Variants in PINK1 observed in about 807,000 individuals in gnomAD.
PINK1 encodes PTEN induced kinase 1, also known as serine/threonine-protein kinase PINK1, mitochondrial.
A neutral mutation model predicts 56.0 loss-of-function variants in PINK1; 58 were observed. That is an observed-to-expected ratio of 1.04 (90% CI 0.84 to 1.29). PINK1 has a LOEUF of 1.29. PINK1 is among the 50% of genes most tolerant of loss of function. The probability of loss-of-function intolerance (pLI) is 0.00; values close to 1 mark genes in which losing one functional copy is unlikely to be tolerated. For synonymous variants in PINK1, 354 were observed against 339.3 expected, an observed-to-expected ratio of 1.04 and a Z score of -0.48; for missense variants, 745 against 777.9, an observed-to-expected ratio of 0.96 and a Z score of 0.50.
rs2053214996 is a variant in PINK1, at chr1:20,648,442, TAGG to T, written c.1124-59_1124-57del. On this transcript the variant is annotated intron_variant, in intron 5 of 7. Coordinates refer to ENST00000321556, the MANE Select transcript of PINK1 (RefSeq NM_032409.3). ...CTTGCTGGTGGCTTTAGTAGGGACATAGGAGGGCCTCTCAGAGGGAAGGAGGGG... is the reference window on the plus strand; with the variant it reads ...CTTGCTGGTGGCTTTAGTAGGGACATAGGGCCTCTCAGAGGGAAGGAGGGG... 7 of 1,607,996 alleles carry T rather than the reference TAGG, an allele frequency of 4.4e-6. No homozygotes were observed. The East Asian group carries it at 1.1e-4, about 26-fold the overall frequency.
chr1:20,634,397 A>G (rs2053034573), intron 1 of PINK1, among the ~76,000 whole-genome samples: 1 of 152,232 alleles, frequency 6.6e-6, no homozygotes. Flanking sequence ...AAGGATTAGT[A>G]GTGACAGAGC....
chr1:20,645,131 G>T (rs1487596801), intron 4 of PINK1, among the ~76,000 whole-genome samples: 1 of 152,138 alleles, frequency 6.6e-6, no homozygotes, highest in African/African-American at 2.4e-5. Flanking sequence ...GGATGCTGGG[G>T]AAAAGTGGGA....
Position 20,639,919 on chromosome 1 carries a change from A to C in PINK1, c.703A>C (p.Asn235His). The change falls in exon 3 of 8, where the codon AAC becomes CAC. Residue 235 changes from asparagine (N) to histidine (H), a missense_variant. Asn to His is a moderately conservative substitution (Grantham distance 68). Transcript: ENST00000321556. ...AGGTTCCTCCAGCGAAGCCATCTTG[A>C]ACACAATGAGCCAGGAGCTGGTCCC... ...SAGSSSEAIL[N>H]TMSQELVPAS... 6.2e-7 allele frequency: 1 copy of C among 1,613,312 alleles called. No individual in the cohort carries two copies. The highest frequency in any genetic ancestry group is 8.5e-7 in the Non-Finnish European group (1 of 1,179,756).
At chr1:20,637,664 A>G (rs1467973183) in intron 1 of PINK1, among the ~76,000 whole-genome samples, 178 bp from the exon 2 acceptor site, 1 of 152,174 alleles carries the variant, frequency 6.6e-6, no homozygotes, top group East Asian at 1.9e-4. Flanking sequence ...AATAATGAGA[A>G]AGAAGATGGC....
At position 20,651,210 on chromosome 1, in the gene PINK1, G is replaced by A. The variant is rs1054458936; in HGVS notation, c.*519G>A. 1.1e-5 allele frequency: 2 copies of A among 179,000 alleles called. No homozygotes were observed. Among genetic ancestry groups the A allele is most frequent in the East Asian group, 1.3e-4 (1 of 7,638 alleles). The allele number at this position is 179,000 out of a possible 1,614,324, so 11.1% of individuals were successfully genotyped here. ...ATTAATCTCACTTAGCGAAAGTGACGGATGAGCAGTAAGTAAGTAAGTGTG... is the reference window on the plus strand; with the variant it reads ...ATTAATCTCACTTAGCGAAAGTGACAGATGAGCAGTAAGTAAGTAAGTGTG... On this transcript the variant is annotated 3_prime_UTR_variant, in exon 8 of 8. Transcript: ENST00000321556.
In PINK1 at chr1:20,640,038, C is replaced by G. The variant is rs769805833; in HGVS notation, c.776+46C>G. Reference sequence around the variant, plus strand: ...AGACTGACTGGGACTTCTTTGAGAGCAACTTCATCCATCACTTATGTCCTC... The same window carrying G: ...AGACTGACTGGGACTTCTTTGAGAGGAACTTCATCCATCACTTATGTCCTC... On this transcript the variant is annotated intron_variant, in intron 3 of 7. Transcript: ENST00000321556. The G allele has an allele frequency of 2.0e-6, 3 of 1,467,254 alleles. No individual in the cohort carries two copies. The South Asian group carries it at 3.6e-5, about 18-fold the overall frequency. 90.9% of individuals were successfully genotyped at this position (1,467,254 alleles called of 1,614,324 possible).
At chr1:20,638,593 G>A (rs1165595320) in intron 2 of PINK1, 1 of 243,664 alleles carries the variant, frequency 4.1e-6, no homozygotes, top group African/African-American at 2.4e-5. Context: ...AGTGATCCAA[G>A]ATTGTGGCAC....
At chr1:20,637,741 G>T in intron 1 of PINK1, 101 bp from the exon 2 acceptor site, 1 of 1,388,582 alleles carries the variant, frequency 7.2e-7, no homozygotes, top group Non-Finnish European at 1.0e-6. Context: ...TCTGGTCGAC[G>T]TGGACCACGC....
intron 3 of PINK1, among the ~76,000 whole-genome samples, chr1:20,642,433 G>C (rs567566704): frequency 6.6e-6 from 1 of 152,306 alleles, no homozygotes; most frequent in South Asian, 2.1e-4. Context: ...GGAGAAGTCT[G>C]GACAGTCCTT....
intron 3 of PINK1, among the ~76,000 whole-genome samples, chr1:20,643,351 G>A (rs889958856): frequency 6.6e-6 from 1 of 152,180 alleles, no homozygotes; most frequent in African/African-American, 2.4e-5. Context: ...GGGTCGGGGG[G>A]CGCTCCCCAC....
intron 1 of PINK1, among the ~76,000 whole-genome samples, chr1:20,634,675 A>G (rs2053038224): frequency 6.6e-6 from 1 of 152,234 alleles, no homozygotes; most frequent in Non-Finnish European, 1.5e-5. Context: ...GCCGCAGAGT[A>G]GGCGGGCAGG....
Position 20,638,000 on chromosome 1 carries a change from G to C in PINK1, c.546G>C (p.Leu182=). Residue 182 remains leucine (L), a synonymous_variant, in exon 2 of 8, where the codon CTG becomes CTC. Coordinates refer to ENST00000321556, the MANE Select transcript of PINK1 (RefSeq NM_032409.3). ...CCATGCCTACATTGCCCCAGAACCT[G>C]GAGGTGACAAAGAGCACCGGGTTGC... The part of the protein sequence containing the change: ...EATMPTLPQN[L]EVTKSTGLLP... The C allele has an allele frequency of 6.2e-7, 1 of 1,614,172 alleles. No individual in the cohort carries two copies. The highest frequency in any genetic ancestry group is 1.1e-5 in the South Asian group (1 of 91,088).
intron 4 of PINK1, among the ~76,000 whole-genome samples, 188 bp downstream of exon 4, chr1:20,644,860 T>C (rs1339259665): frequency 1.3e-5 from 2 of 152,236 alleles, no homozygotes; most frequent in Non-Finnish European, 2.9e-5. Flanking sequence ...CGATTTTTCA[T>C]GGAAACAAAC....
rs1348901325 is a variant in PINK1, at chr1:20,641,467, ACTGT to A, written c.776+1479_776+1482del. On this transcript the variant is annotated intron_variant, in intron 3 of 7. Transcript: ENST00000321556. This position sits in a 1 kb window ranked among gnomAD's most constrained non-coding sequence, Gnocchi z 4.0. The stretch of plus-strand genomic sequence containing the variant: ...GGACTTTGTTCCTTTAGCAGTTCTC[ACTGT>A]CTGGCCTCAAATAACACGTCTTTTT... Among the ~76,000 whole-genome samples the A allele has an allele frequency of 1.3e-5, 2 of 152,064 alleles. No individual in the cohort carries two copies. The highest frequency in any genetic ancestry group is 2.4e-5 in the African/African-American group (1 of 41,392).
chr1:20,650,993 G>A lies in PINK1; in HGVS notation c.*302G>A. The A allele has an allele frequency of 2.2e-6, 1 of 452,236 alleles. No individual in the cohort carries two copies. Among genetic ancestry groups the A allele is most frequent in the Non-Finnish European group, 4.1e-6 (1 of 243,160 alleles). The allele number at this position is 452,236 out of a possible 1,614,324, so 28.0% of individuals were successfully genotyped here. On this transcript the variant is annotated 3_prime_UTR_variant, in exon 8 of 8. Coordinates refer to ENST00000321556, the MANE Select transcript of PINK1 (RefSeq NM_032409.3). ...GCCAAGGCACTGGCTGTCAGTGGCA[G>A]AGTTTGGCTGTGACCTTTGCCCCTA...
chr1:20,637,562 G>A (rs2053068845), intron 1 of PINK1, among the ~76,000 whole-genome samples: 1 of 152,192 alleles, frequency 6.6e-6, no homozygotes, highest in Non-Finnish European at 1.5e-5. Flanking sequence ...AAGGAGAGGT[G>A]CACTGGCTGC....
At chr1:20,648,934 C>T in intron 6 of PINK1, 61 bp from the exon 7 acceptor site, 1 of 1,534,456 alleles carries the variant, frequency 6.5e-7, no homozygotes. Flanking sequence ...AGGTGATGTG[C>T]AGGACATGAA....
intron 2 of PINK1, 199 bp from the exon 3 acceptor site, chr1:20,639,692 AG>A: frequency 1.5e-6 from 1 of 649,754 alleles, no homozygotes; most frequent in South Asian, 1.7e-5. Context: ...GAATCCTCTG[AG>A]TTGGCATGGA....
rs757669987 is a variant in PINK1 at position 20,645,651 on chromosome 1, G to A, written c.1051G>A (p.Asp351Asn). The change falls in exon 5 of 8, where the codon GAC (aspartate) becomes AAC (asparagine). Residue 351 changes from aspartate to asparagine, a missense_variant. Transcript: ENST00000321556. ...GCTGCTGCAGCTGCTGGAAGGCGTG[G>A]ACCATCTGGTTCAACAGGGCATCGC... ...MMLLQLLEGV[D>N]HLVQQGIAHR... 1.9e-6 allele frequency: 3 copies of A among 1,613,982 alleles called. No homozygotes were observed. Among genetic ancestry groups the A allele is most frequent in the Non-Finnish European group, 2.5e-6 (3 of 1,180,054 alleles).
Sources: gnomAD v4.1 joint callset for allele counts (sites outside exome capture counted in the v4.1 genomes callset) on GRCh38, gnomAD v4.1.1 for gene constraint, Gnocchi (gnomAD v3.1) non-coding constraint, MANE v1.5 for transcripts, NCBI Gene and HGNC (gene_info 2026-07-23, HGNC 2026-07-21) for gene names.